Variants in LNPK observed in about 807,000 individuals in gnomAD.
LNPK encodes endoplasmic reticulum junction formation protein lunapark.
Under a neutral mutation model 55.2 loss-of-function variants are expected in LNPK, and 29 were observed. The ratio of observed to expected loss-of-function variants is 0.53; its 90% CI spans 0.39 to 0.72. The LOEUF is 0.72. LNPK is among the 30% of genes least tolerant of loss of function. The pLI is 0.00. For synonymous variants in LNPK, 162 were observed against 168.2 expected (o/e 0.96, Z 0.29); for missense variants, 467 against 494.8 (o/e 0.94, Z 0.53).
At chr2:175,994,914 A>ATTTTT (rs35432943) in intron 2 of LNPK, among the ~76,000 whole-genome samples, 5 of 88,494 alleles carry the variant, frequency 5.7e-5, no homozygotes, top group African/African-American at 1.3e-4. Flanking sequence ...CTTGTATAGA[A>ATTTTT]TTTTTTTTTT....
chr2:175,942,183 CT>C (rs1020633592), intron 9 of LNPK, among the ~76,000 whole-genome samples: 2 of 152,004 alleles, frequency 1.3e-5, no homozygotes, highest in Non-Finnish European at 2.9e-5. Context: ...ATATATAAGA[CT>C]TTTTATTATT....
At position 175,964,532 on chromosome 2, in the gene LNPK, A is replaced by G. The variant is rs1302138921; in HGVS notation, c.415T>C (p.Phe139Leu). The G allele has an allele frequency of 2.5e-6, 4 of 1,610,898 alleles. No individual in the cohort carries two copies. The highest frequency in any genetic ancestry group is 3.4e-6 in the Non-Finnish European group (4 of 1,177,456). The change falls in exon 7 of 13, where the codon TTT becomes CTT. Residue 139 changes from phenylalanine (F) to leucine (L), a missense_variant. Coordinates refer to ENST00000272748, the MANE Select transcript of LNPK (RefSeq NM_030650.3). The stretch of plus-strand genomic sequence containing the variant: ...TTTGCTTTCTTTGAGTCCGGATCAA[A>G]CCTTTCAAGAATTAATTTAGCCGTC... Reference protein sequence around the residue: ...YKTAKLILERFDPDSKKAKEC... With the variant: ...YKTAKLILERLDPDSKKAKEC...
At chr2:175,967,697 T>A in intron 6 of LNPK, 1 of 980,764 alleles carries the variant, frequency 1.0e-6, no homozygotes, top group Non-Finnish European at 1.2e-6. Flanking sequence ...TTGAAATTGA[T>A]GATGCTTTTA....
chr2:175,998,952 A>T (rs1409022413), intron 1 of LNPK, among the ~76,000 whole-genome samples: 1 of 152,224 alleles, frequency 6.6e-6, no homozygotes, highest in Non-Finnish European at 1.5e-5. Context: ...TTTTGGTATT[A>T]ATGAAACAAT....
chr2:175,973,052 A>T (rs1345474202), intron 5 of LNPK, among the ~76,000 whole-genome samples: 1 of 152,160 alleles, frequency 6.6e-6, no homozygotes, highest in Admixed American at 6.6e-5. Flanking sequence ...AGCACTTTTA[A>T]AAAAAATTAC....
chr2:175,999,896 G>A lies in LNPK; in HGVS notation c.-63+2264C>T, dbSNP rs569321256. On this transcript the variant is annotated intron_variant, in intron 1 of 12. Coordinates refer to ENST00000272748, the MANE Select transcript of LNPK (RefSeq NM_030650.3). ...TTCTCCTGCCTCAGCCTCCCATGTA[G>A]CTGGGATTACAGGTGTATGCCACCA... Among the ~76,000 whole-genome samples, 9 of 152,198 alleles carry A rather than the reference G, an allele frequency of 5.9e-5. No homozygotes were observed. The East Asian group carries it at 1.5e-3, about 26-fold the overall frequency.
At chr2:176,000,990 T>C (rs1391481139) in intron 1 of LNPK, among the ~76,000 whole-genome samples, 1 of 152,212 alleles carries the variant, frequency 6.6e-6, no homozygotes, top group African/African-American at 2.4e-5. Context: ...TGTGAAGTCA[T>C]ATATTTTTAA....
upstream of LNPK, chr2:176,002,620 T>G: frequency 5.4e-6 from 1 of 186,794 alleles, no homozygotes; most frequent in African/African-American, 2.4e-5. Context: ...GAGCGAAGAG[T>G]GGGGAGGACA....
intron 12 of LNPK, chr2:175,932,286 A>T (rs1292016789): frequency 9.5e-6 from 4 of 422,404 alleles, no homozygotes; most frequent in Non-Finnish European, 1.9e-5. Context: ...GGCCACAAAG[A>T]AATGGTTAAT....
chr2:175,958,360 C>CCA (rs1400654961), intron 8 of LNPK, among the ~76,000 whole-genome samples: 2 of 152,192 alleles, frequency 1.3e-5, no homozygotes, highest in Non-Finnish European at 2.9e-5. Context: ...GACGAAGCGT[C>CCA]CACAGGAAGG....
intron 12 of LNPK, 64 bp downstream of exon 12, chr2:175,937,280 A>C: frequency 6.9e-7 from 1 of 1,459,018 alleles, no homozygotes; most frequent in Non-Finnish European, 9.4e-7. Context: ...TAAAAGCATT[A>C]TGCTTTTATT....
At chr2:175,997,419 C>T (rs187783829) in intron 1 of LNPK, among the ~76,000 whole-genome samples, 67 of 152,138 alleles carry the variant, frequency 4.4e-4, no homozygotes, top group African/African-American at 1.5e-3. Flanking sequence ...AAATAACTAC[C>T]AAAAAGGTGG....
chr2:175,937,758 AACTATGTAATAAGTTACACAGCAGGTTG>A (rs1684625424), intron 11 of LNPK: 1 of 324,502 alleles, frequency 3.1e-6, no homozygotes, highest in African/African-American at 2.1e-5. Flanking sequence ...ATAGCAGGCT[AACTATGTAATAAGTTACACAGCAGGTTG>A]ACAGCAGAAT....
intron 8 of LNPK, among the ~76,000 whole-genome samples, chr2:175,954,160 C>T (rs1164578398): frequency 1.3e-5 from 2 of 152,018 alleles, no homozygotes; most frequent in African/African-American, 4.8e-5. Flanking sequence ...ATGTGTATAC[C>T]CCTTTTAATC....
chr2:175,949,711 A>C (rs1685310479), intron 8 of LNPK, among the ~76,000 whole-genome samples: 1 of 152,084 alleles, frequency 6.6e-6, no homozygotes, highest in Non-Finnish European at 1.5e-5. Context: ...GTACCTTAAT[A>C]ATTCTAAATC....
chr2:175,985,434 T>C (rs915621526), intron 4 of LNPK, among the ~76,000 whole-genome samples: 5 of 152,250 alleles, frequency 3.3e-5, no homozygotes, highest in East Asian at 3.8e-4. Context: ...ATGAAAGACG[T>C]TGGTCTGTTT....
rs369121228 is a variant in LNPK at position 175,930,217 on chromosome 2, C to G, written c.1055-18G>C. On this transcript the variant is annotated intron_variant, in intron 12 of 12. Coordinates refer to ENST00000272748, the MANE Select transcript of LNPK (RefSeq NM_030650.3). ...TAAAGATTCTGAAAAGATAAAGATT[C>G]AAAACTTTAGGAATACCTGAACGTT... 6.3e-7 allele frequency: 1 copy of G among 1,596,686 alleles called. No individual in the cohort carries two copies. The highest frequency in any genetic ancestry group is 8.5e-7 in the Non-Finnish European group (1 of 1,170,946).
intron 5 of LNPK, among the ~76,000 whole-genome samples, chr2:175,973,483 C>T (rs1472083308): frequency 6.6e-6 from 1 of 152,216 alleles, no homozygotes; most frequent in African/African-American, 2.4e-5. Context: ...TAACCATAGA[C>T]TGTAAACACC....
At chr2:175,933,267 G>A (rs1191433428) in intron 12 of LNPK, among the ~76,000 whole-genome samples, 2 of 151,898 alleles carry the variant, frequency 1.3e-5, no homozygotes, top group Non-Finnish European at 2.9e-5. Context: ...ATTATATAAT[G>A]AATATCACTG....
Sources: allele counts gnomAD v4.1 joint callset (sites outside exome capture counted in the v4.1 genomes callset), GRCh38; gene constraint gnomAD v4.1.1; transcripts MANE v1.5; gene names NCBI Gene and HGNC (gene_info 2026-07-23, HGNC 2026-07-21).